The following ADGRA3 variants were observed in gnomAD, a reference collection of about 807,000 sequenced individuals.
ADGRA3 encodes the protein adhesion G protein-coupled receptor A3, also known as G-protein coupled receptor 125.
Under a neutral mutation model 119.8 loss-of-function variants are expected in ADGRA3, and 56 were observed. The ratio of observed to expected loss-of-function variants is 0.47; its 90% CI spans 0.38 to 0.58. ADGRA3 has a LOEUF of 0.58. Among genes scored for constraint, ADGRA3 ranks in the 20% least tolerant of loss-of-function variants. ADGRA3 has a pLI of 0.00. For synonymous variants in ADGRA3, 607 were observed against 623.8 expected, an observed-to-expected ratio of 0.97 and a Z score of 0.40; for missense variants, 1,516 against 1,649.0, an observed-to-expected ratio of 0.92 and a Z score of 1.40.
intron 8 of ADGRA3, among the ~76,000 whole-genome samples, chr4:22,436,925 C>T (rs1371614624): frequency 2.6e-5 from 4 of 152,064 alleles, no homozygotes; most frequent in African/African-American, 9.7e-5. Context: ...TTACAAAAAC[C>T]ACATAAATAG....
At chr4:22,473,912 T>G (rs1717947390) in intron 1 of ADGRA3, 69 bp from the exon 2 acceptor site, 2 of 956,836 alleles carry the variant, frequency 2.1e-6, no homozygotes, top group Non-Finnish European at 1.6e-6. Context: ...TTTAGCTTAT[T>G]ATGTTTAAAC....
intron 10 of ADGRA3, among the ~76,000 whole-genome samples, chr4:22,433,378 G>C: frequency 6.6e-6 from 1 of 152,122 alleles, no homozygotes; most frequent in East Asian, 1.9e-4. Flanking sequence ...TCCAAGCTTT[G>C]CAACTATTTT....
intron 3 of ADGRA3, among the ~76,000 whole-genome samples, chr4:22,457,563 T>C (rs1341591127): frequency 6.6e-6 from 1 of 152,200 alleles, no homozygotes; most frequent in Non-Finnish European, 1.5e-5. Flanking sequence ...GGCAATTACC[T>C]TCCTAAGCAA....
At chr4:22,515,106 A>T (rs1719594297) in intron 1 of ADGRA3, among the ~76,000 whole-genome samples, 1 of 152,230 alleles carries the variant, frequency 6.6e-6, no homozygotes, top group South Asian at 2.1e-4. Flanking sequence ...TCTACCACGT[A>T]AGTGTAACTT....
intron 4 of ADGRA3, among the ~76,000 whole-genome samples, chr4:22,450,865 T>G (rs1377111700): frequency 4.6e-5 from 7 of 151,280 alleles, no homozygotes; most frequent in Non-Finnish European, 7.4e-5. Context: ...AAATTATTTT[T>G]AAACTGAGTT....
intron 12 of ADGRA3, among the ~76,000 whole-genome samples, chr4:22,417,351 A>G (rs1335169644): frequency 6.6e-6 from 1 of 152,160 alleles, no homozygotes. Flanking sequence ...CTGTCCCCCA[A>G]AATTCATAGT....
intron 14 of ADGRA3, among the ~76,000 whole-genome samples, chr4:22,411,504 T>A (rs1715196075): frequency 6.6e-6 from 1 of 151,822 alleles, no homozygotes; most frequent in Non-Finnish European, 1.5e-5. Context: ...GAGGATGAGG[T>A]AAGAGAATCA....
intron 16 of ADGRA3, among the ~76,000 whole-genome samples, chr4:22,396,437 T>G (rs16872604): frequency 0.11 from 16,321 of 152,138 alleles, 1,195 homozygotes; most frequent in African/African-American, 0.21. Flanking sequence ...TTGTCAGAGG[T>G]AAGAACCTTA....
At chr4:22,431,956 T>C (rs1029530247) in intron 10 of ADGRA3, among the ~76,000 whole-genome samples, 1 of 152,108 alleles carries the variant, frequency 6.6e-6, no homozygotes, top group African/African-American at 2.4e-5. Flanking sequence ...TTTGGTTTCA[T>C]TACATATCAT....
chr4:22,508,900 C>T (rs1719337158), intron 1 of ADGRA3, among the ~76,000 whole-genome samples: 1 of 152,170 alleles, frequency 6.6e-6, no homozygotes. Context: ...TCCCCTTGCC[C>T]TGCCTAGATA....
In ADGRA3 at chr4:22,425,519, C is replaced by T. The variant is rs150620850; in HGVS notation, c.1444-1167G>A. Reference sequence around the variant, plus strand: ...CAAGAGGATTTTGTATTGAGCAAAACGTTTATAAGAGGGAGACATGCAGCA... The same window carrying T: ...CAAGAGGATTTTGTATTGAGCAAAATGTTTATAAGAGGGAGACATGCAGCA... On this transcript the variant is annotated intron_variant, in intron 10 of 18. Transcript: ENST00000334304. 2.2e-4 allele frequency among the ~76,000 whole-genome samples: 34 copies of T among 152,124 alleles called. No homozygotes were observed. In the East Asian group the frequency reaches 6.0e-3, roughly 27 times the overall value.
intron 10 of ADGRA3, among the ~76,000 whole-genome samples, chr4:22,428,273 A>T (rs560126264): frequency 1.5e-4 from 23 of 152,028 alleles, no homozygotes; most frequent in African/African-American, 5.1e-4. Context: ...CCTCTGTGAG[A>T]CTCAGTTTAC....
At chr4:22,460,586 G>T (rs115343489) in intron 3 of ADGRA3, among the ~76,000 whole-genome samples, 4 of 152,106 alleles carry the variant, frequency 2.6e-5, no homozygotes, top group Non-Finnish European at 5.9e-5. Flanking sequence ...GAGACTCAAG[G>T]TCCTTTTCCT....
intron 10 of ADGRA3, among the ~76,000 whole-genome samples, chr4:22,427,443 A>T (rs915332139): frequency 6.6e-6 from 1 of 151,680 alleles, no homozygotes; most frequent in Non-Finnish European, 1.5e-5. Context: ...TAAAGAAATT[A>T]ACTTGTGTTA....
chr4:22,414,596 C>A (rs547755315), intron 12 of ADGRA3: 1 of 698,324 alleles, frequency 1.4e-6, no homozygotes, highest in Admixed American at 2.0e-5. Flanking sequence ...CCATATTCAC[C>A]GGAATTTCCC....
chr4:22,420,875 A>T lies in ADGRA3; in HGVS notation c.1809+11T>A. The T allele has an allele frequency of 5.0e-6, 8 of 1,609,416 alleles. No individual in the cohort carries two copies. The highest frequency in any genetic ancestry group is 6.8e-6 in the Non-Finnish European group (8 of 1,175,652). ...GTAAATAGTCTTAAATGATTGCAGA[A>T]TGTAACATACCTTTAGTGCCAGACT... On this transcript the variant is annotated intron_variant, in intron 12 of 18. Transcript: ENST00000334304.
intron 1 of ADGRA3, among the ~76,000 whole-genome samples, chr4:22,486,314 G>A (rs1030177059): frequency 8.5e-5 from 13 of 152,162 alleles, no homozygotes; most frequent in Non-Finnish European, 8.8e-5. Flanking sequence ...CCTAAAAGTA[G>A]AGCCTCCAAC....
intron 1 of ADGRA3, among the ~76,000 whole-genome samples, chr4:22,505,867 A>G (rs1384740123): frequency 1.3e-5 from 2 of 152,192 alleles, no homozygotes; most frequent in Non-Finnish European, 2.9e-5. Flanking sequence ...TAGTAGACCA[A>G]AAGAAAAGTC....
At chr4:22,466,361 A>G (rs1287483608) in intron 2 of ADGRA3, among the ~76,000 whole-genome samples, 1 of 151,986 alleles carries the variant, frequency 6.6e-6, no homozygotes, top group Non-Finnish European at 1.5e-5. Flanking sequence ...CCAACTCACA[A>G]CTTCACCTCC....
Sources: gnomAD v4.1 joint callset for allele counts (sites outside exome capture counted in the v4.1 genomes callset) on GRCh38, gnomAD v4.1.1 for gene constraint, MANE v1.5 for transcripts, NCBI Gene and HGNC (gene_info 2026-07-23, HGNC 2026-07-21) for gene names.